The following ENTPD5 variants were observed in gnomAD, a reference collection of about 807,000 sequenced individuals.
ENTPD5 encodes the protein nucleoside diphosphate phosphatase ENTPD5.
ENTPD5 carries 49 observed loss-of-function variants against 60.2 expected under a neutral mutation model. The ratio of observed to expected loss-of-function variants is 0.81; its 90% CI spans 0.65 to 1.03. The LOEUF (loss-of-function observed/expected upper bound fraction) is 1.03. Ranked by LOEUF, ENTPD5 falls within the 50% of genes least tolerant of loss-of-function variation. The pLI is 0.00. For synonymous variants in ENTPD5, 187 were observed against 185.4 expected (o/e 1.01, Z -0.07); for missense variants, 480 against 507.6 (o/e 0.95, Z 0.52).
At chr14:74,008,638 A>G (rs973973731) in intron 3 of ENTPD5, among the ~76,000 whole-genome samples, 2 of 151,152 alleles carry the variant, frequency 1.3e-5, no homozygotes, top group Non-Finnish European at 3.0e-5. Context: ...CTCATGATCC[A>G]CCCGCCTCGG....
At chr14:73,980,892 G>A (rs2057660308) in intron 6 of ENTPD5, among the ~76,000 whole-genome samples, 2 of 152,092 alleles carry the variant, frequency 1.3e-5, no homozygotes, top group African/African-American at 4.8e-5. Context: ...TAGGTCAGGA[G>A]TTTGAGACCA....
downstream of ENTPD5, chr14:73,958,194 C>T (rs1344238775): frequency 6.2e-7 from 1 of 1,614,070 alleles, no homozygotes; most frequent in South Asian, 1.1e-5. Flanking sequence ...CTATACCTGG[C>T]CTTGTCCATT....
chr14:73,996,412 G>C (rs1213669881), intron 3 of ENTPD5: 2 of 153,442 alleles, frequency 1.3e-5, no homozygotes, highest in Admixed American at 6.7e-5. Flanking sequence ...CTGTGTTTTT[G>C]TTAGCCAAAT....
intron 11 of ENTPD5, 112 bp downstream of exon 11, chr14:73,974,812 C>G (rs907244553): frequency 3.6e-5 from 31 of 858,532 alleles, no homozygotes; most frequent in Non-Finnish European, 5.7e-5. Flanking sequence ...ATTTGCCTCC[C>G]AATTCAACAT....
chr14:73,955,354 A>G (rs1436850126), downstream of ENTPD5: 2 of 874,768 alleles, frequency 2.3e-6, no homozygotes, highest in Non-Finnish European at 4.0e-6. Context: ...TTATTGAAGA[A>G]CACTGAAAAC....
chr14:73,990,293 C>G (rs80083802), intron 3 of ENTPD5, among the ~76,000 whole-genome samples: 9,447 of 152,154 alleles, frequency 0.062, 472 homozygotes, highest in South Asian at 0.27. Context: ...TGATGATTTT[C>G]CCTTTAGAAC....
chr14:73,995,211 G>A (rs1335115981), intron 3 of ENTPD5, among the ~76,000 whole-genome samples: 2 of 151,792 alleles, frequency 1.3e-5, no homozygotes, highest in African/African-American at 4.8e-5. Flanking sequence ...GCCGCGCCTG[G>A]CTAATTTTGT....
At chr14:74,000,771 C>A (rs182587155) in intron 3 of ENTPD5, among the ~76,000 whole-genome samples, 1 of 152,044 alleles carries the variant, frequency 6.6e-6, no homozygotes, top group Non-Finnish European at 1.5e-5. Context: ...GAGCAAGAAC[C>A]TGTCTCAAAA....
intron 12 of ENTPD5, 60 bp downstream of exon 12, chr14:73,973,817 G>T: frequency 6.8e-7 from 1 of 1,463,832 alleles, no homozygotes; most frequent in Non-Finnish European, 9.6e-7. Context: ...GTTTCCCATG[G>T]GACTTTTCCA....
At chr14:73,984,858 C>T (rs1393661288) in intron 5 of ENTPD5, among the ~76,000 whole-genome samples, 1 of 152,082 alleles carries the variant, frequency 6.6e-6, no homozygotes, top group Non-Finnish European at 1.5e-5. Context: ...ATTAACTCAT[C>T]ATTTACATTA....
downstream of ENTPD5, chr14:73,958,266 A>C: frequency 6.2e-7 from 1 of 1,614,048 alleles, no homozygotes; most frequent in East Asian, 2.2e-5. Flanking sequence ...CACCTTCCAG[A>C]CCAAATTGTT....
intron 2 of ENTPD5, among the ~76,000 whole-genome samples, chr14:74,014,752 A>T (rs139373659): frequency 6.6e-6 from 1 of 152,180 alleles, no homozygotes; most frequent in Non-Finnish European, 1.5e-5. Context: ...GTAGAATTCT[A>T]TATTTGCAGC....
intron 3 of ENTPD5, among the ~76,000 whole-genome samples, chr14:73,992,976 A>G (rs62005068): frequency 0.41 from 62,612 of 151,940 alleles, 13,738 homozygotes; most frequent in South Asian, 0.49. Context: ...GCACTCCAGC[A>G]TGAGAGATAG....
At position 73,963,870 on chromosome 14, in the gene ENTPD5, G is replaced by A. The variant is rs2056866312; in HGVS notation, c.*3058C>T. The stretch of plus-strand genomic sequence containing the variant: ...GAGAAACAGTCTGCTTTTGAACCAA[G>A]TAAGGTATTCTTGGGAATAATTTTT... On this transcript the variant is annotated 3_prime_UTR_variant, in exon 16 of 16. Transcript: ENST00000334696. The A allele has an allele frequency of 6.6e-6, 1 of 152,204 alleles. No homozygotes were observed. The highest frequency in any genetic ancestry group is 1.5e-5 in the Non-Finnish European group (1 of 68,040). The allele number at this position is 152,204 out of a possible 1,614,324, so 9.4% of individuals were successfully genotyped here. A position where few individuals can be genotyped will look rare whatever the true frequency, so the allele number is the denominator to read the frequency against.
rs1412447045 is a variant in ENTPD5 at position 73,989,599 on chromosome 14, C to T, written c.-70-1427G>A. ...CTGTAATCCCAGCACTTTGGGAGGC[C>T]GAGGCAGGCGGATCACCTGAGGTCA... On this transcript the variant is annotated intron_variant, in intron 3 of 15. Transcript: ENST00000334696. 7.3e-5 allele frequency among the ~76,000 whole-genome samples: 11 copies of T among 151,490 alleles called. 1 individual carries two copies. The highest frequency in any genetic ancestry group is 5.9e-4 in the Admixed American group (9 of 15,198).
Position 73,987,901 on chromosome 14 carries a change from C to A in ENTPD5, c.202G>T (p.Val68Leu), listed in dbSNP as rs1284382104. The A allele has an allele frequency of 6.2e-7, 1 of 1,614,074 alleles. No homozygotes were observed. The highest frequency in any genetic ancestry group is 1.7e-5 in the Admixed American group (1 of 59,986). ...TGTRIHVYTF[V>L]QKMPGQLPIL... ...TTGCACTTACCTGGCATTTTCTGCACAAAGGTGTAAACATGAATTCGAGTT... is the reference window on the plus strand; with the variant it reads ...TTGCACTTACCTGGCATTTTCTGCAAAAAGGTGTAAACATGAATTCGAGTT... The change falls in exon 4 of 16, where the codon GTG becomes TTG. Residue 68 changes from valine to leucine, a missense_variant. By Grantham distance (32) the Val-to-Leu change is conservative. Coordinates refer to ENST00000334696, the MANE Select transcript of ENTPD5 (RefSeq NM_001249.5).
At chr14:73,967,453 C>T (rs975776957) in intron 15 of ENTPD5, among the ~76,000 whole-genome samples, 1 of 152,174 alleles carries the variant, frequency 6.6e-6, no homozygotes, top group African/African-American at 2.4e-5. Context: ...TAGGAAAGAA[C>T]AAACCAAGCT....
downstream of ENTPD5, chr14:73,959,290 C>A (rs747528224): frequency 3.1e-6 from 5 of 1,614,026 alleles, no homozygotes; most frequent in African/African-American, 2.7e-5. Flanking sequence ...TTTCTCTCAG[C>A]CTTTTTCTGG....
chr14:74,009,500 G>A (rs2058778538), intron 3 of ENTPD5, among the ~76,000 whole-genome samples: 1 of 152,188 alleles, frequency 6.6e-6, no homozygotes, highest in Admixed American at 6.5e-5. Flanking sequence ...TACAATGATA[G>A]TTTCATGTAT....
Sources: gnomAD v4.1 joint callset for allele counts (sites outside exome capture counted in the v4.1 genomes callset) on GRCh38, gnomAD v4.1.1 for gene constraint, MANE v1.5 for transcripts, NCBI Gene and HGNC (gene_info 2026-07-23, HGNC 2026-07-21) for gene names.